Variants in ARHGAP22 observed in about 807,000 individuals in gnomAD.
The protein encoded by ARHGAP22 is rho GTPase-activating protein 22.
A neutral mutation model predicts 59.1 loss-of-function variants in ARHGAP22; 48 were observed. That is an observed-to-expected ratio of 0.81 (90% CI 0.64 to 1.03). The LOEUF (loss-of-function observed/expected upper bound fraction) is 1.03, where lower values mean the gene tolerates loss of function less well. Ranked by LOEUF, ARHGAP22 falls within the 50% of genes least tolerant of loss-of-function variation. ARHGAP22 has a pLI of 0.00. For synonymous variants in ARHGAP22, 445 were observed against 416.4 expected (o/e 1.07, Z -0.84); for missense variants, 1,015 against 958.7 (o/e 1.06, Z -0.78).
intron 3 of ARHGAP22, among the ~76,000 whole-genome samples, chr10:48,516,724 AG>A (rs34795983): frequency 6.6e-6 from 1 of 152,340 alleles, no homozygotes; most frequent in South Asian, 2.1e-4. Context: ...AACAGAAGAA[AG>A]GGAATAGTTC....
intron 3 of ARHGAP22, chr10:48,524,044 C>G: frequency 6.8e-7 from 1 of 1,475,042 alleles, no homozygotes; most frequent in Non-Finnish European, 9.0e-7. Context: ...ACGTGCGCGC[C>G]GGAGTTACCT....
intron 3 of ARHGAP22, among the ~76,000 whole-genome samples, chr10:48,509,953 G>C (rs1214454468): frequency 1.3e-5 from 2 of 152,168 alleles, no homozygotes; most frequent in Admixed American, 6.5e-5. Flanking sequence ...GTCCATTCTG[G>C]ATACTTGGAA....
chr10:48,514,270 C>T (rs2053076828), intron 3 of ARHGAP22, among the ~76,000 whole-genome samples: 1 of 151,690 alleles, frequency 6.6e-6, no homozygotes, highest in African/African-American at 2.4e-5. Context: ...TTAGAACTTC[C>T]CAAATTTGTT....
chr10:48,551,890 T>G (rs1035929835), intron 3 of ARHGAP22, among the ~76,000 whole-genome samples: 4 of 152,238 alleles, frequency 2.6e-5, no homozygotes, highest in Non-Finnish European at 4.4e-5. Flanking sequence ...ATGTCTGTGT[T>G]GGAGGGCAAT....
intron 1 of ARHGAP22, among the ~76,000 whole-genome samples, chr10:48,617,042 C>G (rs2061106892): frequency 6.6e-6 from 1 of 151,926 alleles, no homozygotes; most frequent in South Asian, 2.1e-4. Flanking sequence ...ACAGATGTAA[C>G]TGGTAGTAAT....
chr10:48,451,642 A>G lies in ARHGAP22; in HGVS notation c.989-502T>C, dbSNP rs1314925179. On this transcript the variant is annotated intron_variant, in intron 8 of 9. Coordinates refer to ENST00000249601, the MANE Select transcript of ARHGAP22 (RefSeq NM_021226.4). ...GGCACACACATACAATTGCACACAC[A>G]ATGCACCCCGCCCACCCCCTAAAAT... 1.5e-5 allele frequency: 10 copies of G among 670,074 alleles called. No individual in the cohort carries two copies. In the Admixed American group the frequency reaches 2.1e-4, roughly 14 times the overall value. The allele number at this position is 670,074 out of a possible 1,614,324, so 41.5% of individuals were successfully genotyped here.
intron 3 of ARHGAP22, among the ~76,000 whole-genome samples, chr10:48,508,081 G>T (rs11101351): frequency 0.13 from 19,347 of 152,106 alleles, 1,880 homozygotes; most frequent in East Asian, 0.59. Context: ...AGGGCTCAAA[G>T]GCTGGGGTGG....
At chr10:48,498,247 C>A (rs1196332659) in intron 3 of ARHGAP22, among the ~76,000 whole-genome samples, 2 of 152,236 alleles carry the variant, frequency 1.3e-5, no homozygotes, top group East Asian at 1.9e-4. Flanking sequence ...CGCATCCCTG[C>A]AGGGACCACG....
At chr10:48,451,415 G>T in intron 8 of ARHGAP22, 1 of 704,818 alleles carries the variant, frequency 1.4e-6, no homozygotes, top group Non-Finnish European at 2.6e-6. Flanking sequence ...CTCCAGCTGG[G>T]GTGGGGTGAG....
intron 3 of ARHGAP22, among the ~76,000 whole-genome samples, chr10:48,498,558 C>A (rs530491009): frequency 2.0e-5 from 3 of 152,178 alleles, no homozygotes. Flanking sequence ...TCCCTCTGCC[C>A]GGCCCCCTGC....
chr10:48,582,928 G>T, intron 2 of ARHGAP22, 25 bp downstream of exon 2: 1 of 1,612,564 alleles, frequency 6.2e-7, no homozygotes. Flanking sequence ...CGATGCCCAC[G>T]GCACACCGGA....
In ARHGAP22 at chr10:48,558,480, G is replaced by A. The variant is rs189036701; in HGVS notation, c.235-2930C>T. On this transcript the variant is annotated intron_variant, in intron 2 of 9. Transcript: ENST00000249601. ...CGGGCTCCAGTGAGCCTCCCACCTC[G>A]ACCTCTATTTGGGACCATAGGTGTA... is the stretch of plus-strand genomic sequence containing the variant. Among the ~76,000 whole-genome samples, 293 of 151,782 alleles carry A rather than the reference G, an allele frequency of 1.9e-3. 2 individuals carry two copies. The highest frequency in any genetic ancestry group is 0.019 in the East Asian group (98 of 5,166).
At chr10:48,524,113 C>T in intron 3 of ARHGAP22, 1 of 1,333,432 alleles carries the variant, frequency 7.5e-7, no homozygotes. Flanking sequence ...ATGGCAGCCG[C>T]CCGCGGCCCC....
chr10:48,543,855 C>A (rs1410054744), intron 3 of ARHGAP22, among the ~76,000 whole-genome samples: 1 of 152,058 alleles, frequency 6.6e-6, no homozygotes, highest in African/African-American at 2.4e-5. Context: ...GGCGTGGTGG[C>A]TCATGTCTGT....
At chr10:48,560,480 G>T (rs1284967939) in intron 2 of ARHGAP22, among the ~76,000 whole-genome samples, 1 of 152,108 alleles carries the variant, frequency 6.6e-6, no homozygotes, top group East Asian at 1.9e-4. Context: ...TTTCCAATGT[G>T]AACAACTTTC....
intron 1 of ARHGAP22, among the ~76,000 whole-genome samples, chr10:48,586,342 A>C (rs1456673056): frequency 6.6e-6 from 1 of 152,122 alleles, no homozygotes; most frequent in Non-Finnish European, 1.5e-5. Flanking sequence ...AGATAACAAC[A>C]CCTCACCCAG....
the ARHGAP22 span, chr10:48,431,097 C>T: frequency 2.7e-6 from 2 of 740,236 alleles, no homozygotes; most frequent in Admixed American, 4.3e-5. Context: ...GTTTGAAGTA[C>T]TTCACATGTA....
At chr10:48,563,528 C>G (rs545365540) in intron 2 of ARHGAP22, among the ~76,000 whole-genome samples, 1 of 152,298 alleles carries the variant, frequency 6.6e-6, no homozygotes, top group East Asian at 1.9e-4. Flanking sequence ...TGGTTAGCAA[C>G]CTTAATTCTA....
chr10:48,555,631 G>A (rs1430022628), intron 2 of ARHGAP22, 81 bp from the exon 3 acceptor site: 3 of 1,439,144 alleles, frequency 2.1e-6, no homozygotes, highest in Middle Eastern at 1.8e-4. Flanking sequence ...CTGGAGAGGA[G>A]AGGTTAGGAC....
Sources: gnomAD v4.1 joint callset for allele counts (sites outside exome capture counted in the v4.1 genomes callset) on GRCh38, gnomAD v4.1.1 for gene constraint, MANE v1.5 for transcripts, NCBI Gene and HGNC (gene_info 2026-07-23, HGNC 2026-07-21) for gene names.